TPO: variants seen among roughly 807,000 people sequenced by gnomAD.
TPO encodes thyroid peroxidase, also known as thyroid microsomal antigen.
TPO carries 78 observed loss-of-function variants against 96.9 expected under a neutral mutation model. The ratio of observed to expected loss-of-function variants is 0.81; its 90% CI spans 0.67 to 0.97. The LOEUF is 0.97. TPO is among the 50% of genes least tolerant of loss of function. The pLI, the probability that TPO is intolerant of heterozygous loss-of-function variation, is 0.00. For missense variants in TPO, 1,252 were observed against 1,274.8 expected (o/e 0.98, Z 0.27); for synonymous variants, 547 against 538.0 (o/e 1.02, Z -0.23).
Position 1,487,980 on chromosome 2 carries a change from A to G in TPO, c.1757A>G (p.His586Arg). 1 of 1,613,196 alleles carries G rather than the reference A, an allele frequency of 6.2e-7. No individual in the cohort carries two copies. The highest frequency in any genetic ancestry group is 8.5e-7 in the Non-Finnish European group (1 of 1,180,044). ...ASINLQRGRD[H>R]GLPGYNEWRE... ...ATCAACCTGCAGAGGGGCCGGGACC[A>G]CGGGCTGCCAGGTCTGCCAGTTCCT... is the stretch of plus-strand genomic sequence containing the variant. Residue 586 changes from histidine (H) to arginine (R), a missense_variant, in exon 10 of 17, where the codon CAC becomes CGC. Physicochemically the swap from His to Arg is conservative, Grantham distance 29 (BLOSUM62 0). Coordinates refer to ENST00000329066, the MANE Select transcript of TPO (RefSeq NM_001206744.2).
chr2:1,422,949 T>C (rs1663924719), intron 2 of TPO, 96 bp from the exon 3 acceptor site: 1 of 1,368,822 alleles, frequency 7.3e-7, no homozygotes, highest in African/African-American at 1.4e-5. Flanking sequence ...CACGTGGGCA[T>C]CACCGCAGCA....
chr2:1,531,155 T>C (rs750131781), intron 15 of TPO, among the ~76,000 whole-genome samples: 8 of 23,354 alleles, frequency 3.4e-4, no homozygotes, highest in South Asian at 1.6e-3. Flanking sequence ...GTGTGCAACC[T>C]CCCCAAATCC....
At chr2:1,431,243 G>A (rs928700134) in intron 3 of TPO, among the ~76,000 whole-genome samples, 3 of 152,094 alleles carry the variant, frequency 2.0e-5, no homozygotes, top group Non-Finnish European at 4.4e-5. Flanking sequence ...AGACCTGGTT[G>A]TTTTACGTTG....
rs147768828 is a variant in TPO, at chr2:1,378,784, C to T, written n.180+4382C>T. On this transcript the variant is annotated intron_variant and non_coding_transcript_variant, in intron 1 of 5. Transcript: ENST00000497517. Reference sequence around the variant, plus strand: ...TGGCGGGGGGTTCGTGCCTGAGCTGCTGTAGGGTGAAGCTGCAGTTTCAGA... The same window carrying T: ...TGGCGGGGGGTTCGTGCCTGAGCTGTTGTAGGGTGAAGCTGCAGTTTCAGA... Among the ~76,000 whole-genome samples, 754 of 152,290 alleles carry T rather than the reference C, an allele frequency of 5.0e-3. 5 individuals are homozygous for T. Among genetic ancestry groups the T allele is most frequent in the African/African-American group, 0.017 (689 of 41,570 alleles).
intron 15 of TPO, among the ~76,000 whole-genome samples, chr2:1,534,782 C>T (rs1322990492): frequency 2.7e-5 from 4 of 150,742 alleles, no homozygotes; most frequent in South Asian, 2.1e-4. Flanking sequence ...CCTCAAATAT[C>T]CCCACTGTGG....
chr2:1,485,882 A>T (rs559222238), intron 9 of TPO, among the ~76,000 whole-genome samples: 1 of 152,062 alleles, frequency 6.6e-6, no homozygotes, highest in Non-Finnish European at 1.5e-5. Flanking sequence ...AGTGGTTTCT[A>T]TTGCTGTGCA....
At chr2:1,448,393 G>A (rs1317430230) in intron 5 of TPO, among the ~76,000 whole-genome samples, 2 of 152,096 alleles carry the variant, frequency 1.3e-5, no homozygotes, top group Non-Finnish European at 1.5e-5. Context: ...CCCGAGGGTC[G>A]GCTGCTCCCT....
intron 15 of TPO, among the ~76,000 whole-genome samples, chr2:1,525,603 A>T: frequency 1.2e-5 from 1 of 82,924 alleles, no homozygotes; most frequent in Non-Finnish European, 2.2e-5. Flanking sequence ...AAAACCACAA[A>T]TCCCCCCACT....
chr2:1,470,000 A>G (rs1669246149), intron 7 of TPO, among the ~76,000 whole-genome samples: 1 of 152,228 alleles, frequency 6.6e-6, no homozygotes, highest in South Asian at 2.1e-4. Flanking sequence ...ATGATCCGTC[A>G]CAAAAAATCC....
chr2:1,427,378 C>A (rs76412612), intron 3 of TPO, among the ~76,000 whole-genome samples: 2 of 152,216 alleles, frequency 1.3e-5, no homozygotes, highest in African/African-American at 4.8e-5. Context: ...CATCAGCAAC[C>A]AGGTTCACCT....
chr2:1,433,722 G>A, intron 4 of TPO, 115 bp downstream of exon 4: 2 of 1,208,208 alleles, frequency 1.7e-6, no homozygotes, highest in Non-Finnish European at 2.4e-6. Flanking sequence ...CAAGCAGGAT[G>A]GGACTCCAGC....
chr2:1,510,866 T>A (rs898710007), intron 14 of TPO, among the ~76,000 whole-genome samples: 1 of 152,148 alleles, frequency 6.6e-6, no homozygotes, highest in African/African-American at 2.4e-5. Flanking sequence ...AGTTTAGATA[T>A]AGGCACAGAT....
intron 15 of TPO, among the ~76,000 whole-genome samples, chr2:1,528,335 G>A (rs977036692): frequency 3.5e-5 from 4 of 112,726 alleles, no homozygotes; most frequent in Non-Finnish European, 6.7e-5. Flanking sequence ...ATCCTCCCAA[G>A]TCTGCAACCC....
Position 1,393,885 on chromosome 2 carries a change from T to A in TPO, n.180+19483T>A, listed in dbSNP as rs553000347. On this transcript the variant is annotated intron_variant and non_coding_transcript_variant, in intron 1 of 5. Coordinates refer to the TPO transcript ENST00000497517. ...TACGCATTTATTGCTATAAGGACAC[T>A]ATCTGAAAAGTGGAGCTACTATTTA... 3.3e-5 allele frequency among the ~76,000 whole-genome samples: 5 copies of A among 152,346 alleles called. No homozygotes were observed. In the East Asian group the frequency reaches 9.6e-4, roughly 29 times the overall value.
chr2:1,421,661 T>C (rs923747851), intron 2 of TPO, among the ~76,000 whole-genome samples: 1 of 152,032 alleles, frequency 6.6e-6, no homozygotes, highest in African/African-American at 2.4e-5. Flanking sequence ...AAGAGGAAAA[T>C]AAAGGAAAAT....
At chr2:1,452,516 C>A (rs1299713787) in intron 5 of TPO, among the ~76,000 whole-genome samples, 1 of 152,168 alleles carries the variant, frequency 6.6e-6, no homozygotes, top group Admixed American at 6.5e-5. Flanking sequence ...TCAGCAGCAA[C>A]CCTGTGATTA....
At chr2:1,443,051 C>T (rs544088981) in intron 5 of TPO, among the ~76,000 whole-genome samples, 1 of 152,200 alleles carries the variant, frequency 6.6e-6, no homozygotes, top group South Asian at 2.1e-4. Context: ...GCCTGGGCAA[C>T]AAAGCAATAC....
At chr2:1,532,255 C>A (rs1159209012) in intron 15 of TPO, among the ~76,000 whole-genome samples, 2 of 47,084 alleles carry the variant, frequency 4.2e-5, no homozygotes, top group African/African-American at 1.6e-4. Context: ...CTCCTCAAAT[C>A]CCCCCACTGT....
intron 1 of TPO, among the ~76,000 whole-genome samples, chr2:1,389,787 C>T (rs535465559): frequency 6.6e-6 from 1 of 152,250 alleles, no homozygotes; most frequent in African/African-American, 2.4e-5. Context: ...AAGCCTTTTC[C>T]ACAACACAGC....
Sources: allele counts gnomAD v4.1 joint callset (sites outside exome capture counted in the v4.1 genomes callset), GRCh38; gene constraint gnomAD v4.1.1; transcripts MANE v1.5; gene names NCBI Gene and HGNC (gene_info 2026-07-23, HGNC 2026-07-21).